The following MBD5 variants were observed in gnomAD, a reference collection of about 807,000 sequenced individuals.
MBD5 encodes methyl-CpG binding domain protein 5.
MBD5 carries 13 observed loss-of-function variants against 117.3 expected under a neutral mutation model. The observed-to-expected ratio is 0.11, with a 90% CI of 0.07 to 0.18. The LOEUF is 0.18. MBD5 is among the 10% of genes least tolerant of loss of function. MBD5 has a pLI of 1.00. For missense variants in MBD5, 1,879 were observed against 2,093.8 expected, an observed-to-expected ratio of 0.90 and a Z score of 2.00; for synonymous variants, 727 against 766.4, an observed-to-expected ratio of 0.95 and a Z score of 0.85.
intron 7 of MBD5, among the ~76,000 whole-genome samples, chr2:148,467,730 A>G (rs528102537): frequency 5.3e-5 from 8 of 152,312 alleles, no homozygotes; most frequent in Middle Eastern, 3.4e-3. Context: ...TTGGAATCCC[A>G]TTAGACAGAA....
At chr2:148,336,831 A>G (rs986122171) in intron 3 of MBD5, among the ~76,000 whole-genome samples, 1 of 152,102 alleles carries the variant, frequency 6.6e-6, no homozygotes, top group Admixed American at 6.5e-5. Context: ...TTTTGGTACC[A>G]TGTGCCAGCA....
chr2:148,104,782 A>T (rs988363613), intron 1 of MBD5, among the ~76,000 whole-genome samples: 1 of 152,146 alleles, frequency 6.6e-6, no homozygotes, highest in African/African-American at 2.4e-5. Context: ...TTGGGTGAAT[A>T]ATATTTTCAA....
intron 4 of MBD5, among the ~76,000 whole-genome samples, chr2:148,412,394 T>A (rs555831587): frequency 6.6e-6 from 1 of 151,870 alleles, no homozygotes; most frequent in East Asian, 1.9e-4. Flanking sequence ...GATAATGTGA[T>A]GTTTCCACCT....
chr2:148,255,624 G>A (rs1329883718), intron 3 of MBD5, among the ~76,000 whole-genome samples: 1 of 152,186 alleles, frequency 6.6e-6, no homozygotes, highest in African/African-American at 2.4e-5. Flanking sequence ...CATCCTTAGT[G>A]TGTATCTACA....
intron 1 of MBD5, among the ~76,000 whole-genome samples, chr2:148,102,192 G>A (rs1696233246): frequency 1.3e-5 from 2 of 152,158 alleles, no homozygotes; most frequent in South Asian, 4.1e-4. Flanking sequence ...TAAACAGGAT[G>A]TTATTTTCAC....
At chr2:148,068,049 A>G (rs967854203) in intron 1 of MBD5, among the ~76,000 whole-genome samples, 2 of 152,244 alleles carry the variant, frequency 1.3e-5, no homozygotes, top group Admixed American at 1.3e-4. Context: ...GTGGTGACTT[A>G]TAAGTGGACA....
chr2:148,438,897 T>C (rs1246043886), intron 4 of MBD5, among the ~76,000 whole-genome samples: 2 of 152,162 alleles, frequency 1.3e-5, no homozygotes, highest in African/African-American at 4.8e-5. Context: ...CTTTCCCACC[T>C]AGTTCACTCA....
At chr2:148,125,444 A>G (rs1696866306) in intron 1 of MBD5, among the ~76,000 whole-genome samples, 1 of 152,344 alleles carries the variant, frequency 6.6e-6, no homozygotes, top group East Asian at 1.9e-4. Flanking sequence ...GGTTAAAATC[A>G]TATTTTTACC....
intron 3 of MBD5, among the ~76,000 whole-genome samples, chr2:148,301,316 G>C (rs957537042): frequency 4.6e-5 from 7 of 152,226 alleles, no homozygotes; most frequent in Admixed American, 3.9e-4. Context: ...AACTGGTGAA[G>C]AGTGTCAATG....
At chr2:148,043,279 A>T (rs1016504661) in intron 1 of MBD5, among the ~76,000 whole-genome samples, 43 of 149,326 alleles carry the variant, frequency 2.9e-4, no homozygotes, top group African/African-American at 8.5e-4. Context: ...CAAAAAAAAA[A>T]TAAAAAAATA....
chr2:148,254,525 A>G (rs545203914), intron 3 of MBD5, among the ~76,000 whole-genome samples: 1 of 152,218 alleles, frequency 6.6e-6, no homozygotes, highest in South Asian at 2.1e-4. Flanking sequence ...CAATCGCAGA[A>G]GCTGAGAGCA....
intron 4 of MBD5, among the ~76,000 whole-genome samples, chr2:148,427,965 A>G (rs765782033): frequency 2.0e-5 from 3 of 152,170 alleles, no homozygotes; most frequent in African/African-American, 7.2e-5. Context: ...CACCATTCCT[A>G]TTCAACATAG....
At chr2:148,132,772 AT>A (rs1347295955) in intron 1 of MBD5, among the ~76,000 whole-genome samples, 3 of 151,988 alleles carry the variant, frequency 2.0e-5, no homozygotes, top group Non-Finnish European at 4.4e-5. Flanking sequence ...ATCATACATC[AT>A]TTTTCAAGAT....
chr2:148,095,549 G>A (rs1696048042), intron 1 of MBD5, among the ~76,000 whole-genome samples: 1 of 151,902 alleles, frequency 6.6e-6, no homozygotes, highest in South Asian at 2.1e-4. Flanking sequence ...TTATTTTTAG[G>A]TTCATACTGA....
At chr2:148,170,049 C>T (rs1698227121) in intron 1 of MBD5, among the ~76,000 whole-genome samples, 1 of 152,072 alleles carries the variant, frequency 6.6e-6, no homozygotes, top group Non-Finnish European at 1.5e-5. Flanking sequence ...AGGCGCCCAC[C>T]AACACACCTG....
intron 1 of MBD5, chr2:148,026,429 T>G (rs1693894314): frequency 6.6e-6 from 1 of 152,098 alleles, no homozygotes; most frequent in African/African-American, 2.4e-5. Flanking sequence ...ATTGTACAAT[T>G]TAAAATATAC....
At chr2:148,091,789 A>G (rs1695950153) in intron 1 of MBD5, among the ~76,000 whole-genome samples, 1 of 152,178 alleles carries the variant, frequency 6.6e-6, no homozygotes, top group South Asian at 2.1e-4. Flanking sequence ...AAATGCAACA[A>G]AAACAAAAAC....
At chr2:148,209,157 C>T (rs1699358421) in intron 2 of MBD5, among the ~76,000 whole-genome samples, 1 of 152,054 alleles carries the variant, frequency 6.6e-6, no homozygotes, top group African/African-American at 2.4e-5. Flanking sequence ...ACTGAATTTG[C>T]TACATATGAT....
chr2:148,205,893 C>T (rs894143797), intron 2 of MBD5, among the ~76,000 whole-genome samples: 2 of 151,982 alleles, frequency 1.3e-5, no homozygotes, highest in East Asian at 1.9e-4. Context: ...GTGATCCCAG[C>T]GACTTGGGAG....
Sources: gnomAD v4.1 joint callset for allele counts (sites outside exome capture counted in the v4.1 genomes callset) on GRCh38, gnomAD v4.1.1 for gene constraint, MANE v1.5 for transcripts, NCBI Gene and HGNC (gene_info 2026-07-23, HGNC 2026-07-21) for gene names.